The following NXPH1 variants were observed in gnomAD, a reference collection of about 807,000 sequenced individuals.
NXPH1 encodes the protein neurexophilin-1.
NXPH1 carries 5 observed loss-of-function variants against 23.7 expected under a neutral mutation model. The ratio of observed to expected loss-of-function variants is 0.21; its 90% CI spans 0.11 to 0.44. The LOEUF (loss-of-function observed/expected upper bound fraction) is 0.44. Among genes scored for constraint, NXPH1 ranks in the 20% least tolerant of loss-of-function variants. The probability of loss-of-function intolerance (pLI) is 0.99; values close to 1 mark genes in which losing one functional copy is unlikely to be tolerated. For synonymous variants in NXPH1, 144 were observed against 122.2 expected, an observed-to-expected ratio of 1.18 and a Z score of -1.18; for missense variants, 324 against 321.6, an observed-to-expected ratio of 1.01 and a Z score of -0.06.
chr7:8,553,481 A>G (rs1818309493), intron 2 of NXPH1, among the ~76,000 whole-genome samples: 1 of 151,554 alleles, frequency 6.6e-6, no homozygotes, highest in Non-Finnish European at 1.5e-5. Context: ...ATTACTTGAC[A>G]TAGTCTTGAC....
intron 2 of NXPH1, among the ~76,000 whole-genome samples, chr7:8,706,114 A>T (rs953814931): frequency 6.6e-6 from 1 of 152,170 alleles, no homozygotes; most frequent in Non-Finnish European, 1.5e-5. Flanking sequence ...TATAGTCTCT[A>T]TGGTTTGGAG....
At chr7:8,656,541 CT>C (rs200920294) in intron 2 of NXPH1, among the ~76,000 whole-genome samples, 8,456 of 119,330 alleles carry the variant, frequency 0.071, 469 homozygotes, top group East Asian at 0.18. Flanking sequence ...GGTGGTTTTT[CT>C]TTTTTTTTTT....
intron 2 of NXPH1, among the ~76,000 whole-genome samples, chr7:8,632,916 G>T (rs180779209): frequency 2.0e-5 from 3 of 152,286 alleles, no homozygotes; most frequent in Admixed American, 6.5e-5. Flanking sequence ...TATTTTTGGG[G>T]CAGATTATTT....
intron 2 of NXPH1, among the ~76,000 whole-genome samples, chr7:8,477,435 T>C (rs559461026): frequency 1.3e-5 from 2 of 152,110 alleles, no homozygotes; most frequent in African/African-American, 2.4e-5. Context: ...CTAATAAACA[T>C]ACATTTTGTG....
At chr7:8,583,753 C>G (rs1818927230) in intron 2 of NXPH1, among the ~76,000 whole-genome samples, 1 of 152,174 alleles carries the variant, frequency 6.6e-6, no homozygotes, top group South Asian at 2.1e-4. Flanking sequence ...GACTTGAGAA[C>G]TGACAAAGGT....
At chr7:8,544,381 C>T (rs997297751) in intron 2 of NXPH1, among the ~76,000 whole-genome samples, 2 of 151,516 alleles carry the variant, frequency 1.3e-5, no homozygotes, top group Non-Finnish European at 3.0e-5. Flanking sequence ...GGTCTTTAGA[C>T]ATTGAAGAAT....
At chr7:8,727,163 C>T (rs201639991) in intron 2 of NXPH1, among the ~76,000 whole-genome samples, 16,334 of 123,696 alleles carry the variant, frequency 0.13, 1,127 homozygotes, top group Middle Eastern at 0.26. Flanking sequence ...TCATGTCCTT[C>T]GCCCACTTTT....
chr7:8,748,507 G>A (rs902619968), intron 2 of NXPH1, among the ~76,000 whole-genome samples: 1 of 152,172 alleles, frequency 6.6e-6, no homozygotes, highest in Admixed American at 6.5e-5. Flanking sequence ...CTGCATACAC[G>A]AGGCTGGTCC....
intron 2 of NXPH1, among the ~76,000 whole-genome samples, chr7:8,624,656 G>T (rs1819949508): frequency 6.6e-6 from 1 of 152,108 alleles, no homozygotes; most frequent in Non-Finnish European, 1.5e-5. Context: ...GAATGGAGTT[G>T]TACAAAAGAG....
chr7:8,446,909 CTTT>C (rs34187217), intron 2 of NXPH1, among the ~76,000 whole-genome samples: 14 of 148,632 alleles, frequency 9.4e-5, no homozygotes, highest in African/African-American at 3.2e-4. Flanking sequence ...TAGTAATATT[CTTT>C]TTTTTTTTTC....
At chr7:8,666,434 C>T (rs1192694726) in intron 2 of NXPH1, among the ~76,000 whole-genome samples, 1 of 151,900 alleles carries the variant, frequency 6.6e-6, no homozygotes, top group African/African-American at 2.4e-5. Flanking sequence ...AAGTTCTTTG[C>T]TAGTATTTTG....
chr7:8,547,861 T>A (rs1352544004), intron 2 of NXPH1, among the ~76,000 whole-genome samples: 1 of 151,518 alleles, frequency 6.6e-6, no homozygotes, highest in Admixed American at 6.6e-5. Flanking sequence ...TACTTAATGG[T>A]ATATATATGA....
In NXPH1 at chr7:8,751,291, G is replaced by A. The variant is rs757626991; in HGVS notation, c.338G>A (p.Gly113Asp). The A allele has an allele frequency of 6.2e-7, 1 of 1,613,910 alleles. No individual in the cohort carries two copies. Among genetic ancestry groups the A allele is most frequent in the East Asian group, 2.2e-5 (1 of 44,884 alleles). ...RAKRRPIVKT[G>D]KFKKMFGWGD... ...AAGAGAAGGCCCATTGTTAAAACGG[G>A]CAAGTTTAAGAAAATGTTTGGATGG... Residue 113 changes from glycine to aspartate, a missense_variant, in exon 3 of 3, where the codon GGC becomes GAC. Transcript: ENST00000405863. This position sits in a 1 kb window ranked among gnomAD's most constrained non-coding sequence, Gnocchi z 4.5.
intron 2 of NXPH1, among the ~76,000 whole-genome samples, chr7:8,717,579 G>T (rs1410027823): frequency 6.6e-6 from 1 of 152,092 alleles, no homozygotes; most frequent in Non-Finnish European, 1.5e-5. Context: ...TCTGACTTTT[G>T]ATTTTTCACT....
chr7:8,578,548 A>C (rs145084414), intron 2 of NXPH1, among the ~76,000 whole-genome samples: 1 of 152,218 alleles, frequency 6.6e-6, no homozygotes, highest in Non-Finnish European at 1.5e-5. Context: ...ACTTTCATAC[A>C]ATAACTATAG....
chr7:8,677,622 T>A (rs1223770265), intron 2 of NXPH1, among the ~76,000 whole-genome samples: 1 of 152,092 alleles, frequency 6.6e-6, no homozygotes, highest in Non-Finnish European at 1.5e-5. Context: ...ATGGAGCCCA[T>A]CCCATTACTG....
chr7:8,560,370 C>G (rs1818423187), intron 2 of NXPH1, among the ~76,000 whole-genome samples: 1 of 151,636 alleles, frequency 6.6e-6, no homozygotes, highest in African/African-American at 2.4e-5. Context: ...AGAACACACT[C>G]TAATTCTAGA....
chr7:8,496,091 G>A (rs897175709), intron 2 of NXPH1, among the ~76,000 whole-genome samples: 1 of 152,026 alleles, frequency 6.6e-6, no homozygotes, highest in East Asian at 1.9e-4. Flanking sequence ...ATGAGTGGCA[G>A]CATTAGGATT....
chr7:8,716,727 A>T (rs796710652), intron 2 of NXPH1, among the ~76,000 whole-genome samples: 4 of 152,188 alleles, frequency 2.6e-5, no homozygotes, highest in South Asian at 4.2e-4. Flanking sequence ...TACATGATTT[A>T]AAAAAACCTG....
Sources: allele counts gnomAD v4.1 joint callset (sites outside exome capture counted in the v4.1 genomes callset), GRCh38; gene constraint gnomAD v4.1.1; non-coding constraint Gnocchi (gnomAD v3.1); transcripts MANE v1.5; gene names NCBI Gene and HGNC (gene_info 2026-07-23, HGNC 2026-07-21).